The following INTS6 variants were observed in gnomAD, a reference collection of about 807,000 sequenced individuals.
INTS6 encodes the protein integrator complex subunit 6.
A neutral mutation model predicts 104.9 loss-of-function variants in INTS6; 16 were observed. That is an observed-to-expected ratio of 0.15 (90% CI 0.10 to 0.23). The LOEUF is 0.23. Among genes scored for constraint, INTS6 ranks in the 10% least tolerant of loss-of-function variants. INTS6 has a pLI of 1.00. For missense variants in INTS6, 584 were observed against 1,062.8 expected, an observed-to-expected ratio of 0.55 and a Z score of 6.26; for synonymous variants, 324 against 358.7, an observed-to-expected ratio of 0.90 and a Z score of 1.09.
chr13:51,334,718 A>T, the INTS6 span, among the ~76,000 whole-genome samples: 1 of 152,302 alleles, frequency 6.6e-6, no homozygotes, highest in South Asian at 2.1e-4. Flanking sequence ...ATGGTGGCTC[A>T]CGCCTGTAAT....
At chr13:51,341,369 A>G in the INTS6 span, 1 of 1,558,606 alleles carries the variant, frequency 6.4e-7, no homozygotes, top group South Asian at 1.2e-5. Context: ...GCCCACGTGC[A>G]CACTCACTTA....
chr13:51,386,202 T>TA (rs1248047329), intron 7 of INTS6, among the ~76,000 whole-genome samples: 9 of 152,188 alleles, frequency 5.9e-5, no homozygotes, highest in Non-Finnish European at 1.2e-4. Flanking sequence ...GAATTTGTGA[T>TA]AGACTGCTAG....
intron 4 of INTS6, among the ~76,000 whole-genome samples, chr13:51,424,815 T>C (rs1414479875): frequency 6.6e-6 from 1 of 152,056 alleles, no homozygotes; most frequent in African/African-American, 2.4e-5. Flanking sequence ...GTAACACAGA[T>C]AAAATGTTTT....
chr13:51,368,339 G>A (rs747354460), intron 16 of INTS6, among the ~76,000 whole-genome samples: 18 of 152,002 alleles, frequency 1.2e-4, no homozygotes, highest in Non-Finnish European at 2.2e-4. Context: ...ACTCTGCAAG[G>A]GCTATAAACG....
rs779149099 is a variant in INTS6 at position 51,378,368 on chromosome 13, A to G, written c.1473T>C (p.His491=). The G allele has an allele frequency of 1.2e-6, 2 of 1,613,356 alleles. No individual in the cohort carries two copies. Among genetic ancestry groups the G allele is most frequent in the African/African-American group, 2.7e-5 (2 of 74,894 alleles). Residue 491 remains histidine, a synonymous_variant, in exon 12 of 18, where the codon CAT becomes CAC. Coordinates refer to ENST00000311234, the MANE Select transcript of INTS6 (RefSeq NM_012141.3). ...ETGIKVRSRS[H]GLSMAYRKDF... Reference sequence around the variant, plus strand: ...CTTTCCTATATGCCATTGATAAACCATGTGATCGGCTCCGGACTTTTATTC... The same window carrying G: ...CTTTCCTATATGCCATTGATAAACCGTGTGATCGGCTCCGGACTTTTATTC...
intron 3 of INTS6, among the ~76,000 whole-genome samples, chr13:51,435,098 A>G (rs926189618): frequency 1.3e-5 from 2 of 152,034 alleles, no homozygotes; most frequent in Admixed American, 6.6e-5. Context: ...CCATAAAGTT[A>G]TAAGTAGCCT....
chr13:51,452,589 C>T lies in INTS6; in HGVS notation c.-64G>A, dbSNP rs955409000. ...AAAGAGGAGATGGTAGAGGTGGAGG[C>T]GCCGGTGGCGGCGACCGCCGCTACG... On this transcript the variant is annotated 5_prime_UTR_variant, in exon 1 of 18. Coordinates refer to ENST00000311234, the MANE Select transcript of INTS6 (RefSeq NM_012141.3). The surrounding 1 kb of genome is among the most constrained non-coding windows in gnomAD (Gnocchi z 4.2). The T allele has an allele frequency of 5.1e-5, 80 of 1,565,364 alleles. No homozygotes were observed. Among genetic ancestry groups the T allele is most frequent in the Non-Finnish European group, 6.8e-5 (78 of 1,152,128 alleles).
chr13:51,410,860 A>G (rs1956671106), intron 4 of INTS6, among the ~76,000 whole-genome samples: 1 of 152,124 alleles, frequency 6.6e-6, no homozygotes, highest in African/African-American at 2.4e-5. Context: ...CAGACTATCC[A>G]ATAAAAAACA....
chr13:51,405,577 T>C (rs1174668269), intron 4 of INTS6, among the ~76,000 whole-genome samples: 1 of 152,188 alleles, frequency 6.6e-6, no homozygotes, highest in Non-Finnish European at 1.5e-5. Flanking sequence ...TGTTTTGGCT[T>C]GGTTACTCTG....
intron 13 of INTS6, 141 bp downstream of exon 13, chr13:51,375,907 C>A: frequency 1.5e-6 from 1 of 667,282 alleles, no homozygotes; most frequent in Non-Finnish European, 2.3e-6. Flanking sequence ...GATGATTCAC[C>A]TTTTACTTCA....
chr13:51,351,229 G>C (rs545718217), downstream of INTS6, among the ~76,000 whole-genome samples: 1 of 152,242 alleles, frequency 6.6e-6, no homozygotes, highest in South Asian at 2.1e-4. Context: ...CTATCAAACT[G>C]TTTTCCAAGT....
chr13:51,338,519 A>G, the INTS6 span, among the ~76,000 whole-genome samples: 4 of 152,116 alleles, frequency 2.6e-5, no homozygotes, highest in Non-Finnish European at 5.9e-5. Context: ...GGACAGATGA[A>G]TGGACAGATG....
chr13:51,420,771 A>C lies in INTS6; in HGVS notation c.429+9523T>G, dbSNP rs557904691. 2.7e-3 allele frequency among the ~76,000 whole-genome samples: 416 copies of C among 152,216 alleles called. 3 individuals carry two copies. The highest frequency in any genetic ancestry group is 9.7e-3 in the African/African-American group (402 of 41,538). ...CTAGCTAAATTAAAAAAAAAAAAAA[A>C]AAACTATCCATACTTAACAACCAAG... On this transcript the variant is annotated intron_variant, in intron 4 of 17. Transcript: ENST00000311234.
At chr13:51,450,120 GA>G in intron 3 of INTS6, 1 of 985,318 alleles carries the variant, frequency 1.0e-6, no homozygotes. Flanking sequence ...TGGGACTTGG[GA>G]AAATACAACA....
chr13:51,384,484 T>TTA (rs1410582455), intron 7 of INTS6: 2 of 377,998 alleles, frequency 5.3e-6, no homozygotes, highest in Non-Finnish European at 1.0e-5. Context: ...CAGTTACTGC[T>TTA]TATACCCTGG....
intron 6 of INTS6, among the ~76,000 whole-genome samples, chr13:51,388,487 G>A (rs578108279): frequency 5.3e-5 from 8 of 151,740 alleles, no homozygotes; most frequent in South Asian, 2.1e-4. Flanking sequence ...TCCACCTCCC[G>A]GGTTCAAGCA....
At chr13:51,353,066 A>C (rs570029484), downstream of INTS6, among the ~76,000 whole-genome samples, 51 of 152,208 alleles carry the variant, frequency 3.4e-4, no homozygotes, top group African/African-American at 1.2e-3. Context: ...CTTTCTTGTA[A>C]TATCCTTGTC....
At chr13:51,341,166 A>T in the INTS6 span, 1,552 of 1,613,850 alleles carry the variant, frequency 9.6e-4, 2 homozygotes, top group Non-Finnish European at 1.2e-3. Flanking sequence ...TCCGTGAAGG[A>T]ATGACATTGC....
chr13:51,393,885 A>T (rs1956289014), intron 5 of INTS6, among the ~76,000 whole-genome samples: 1 of 152,200 alleles, frequency 6.6e-6, no homozygotes, highest in Admixed American at 6.5e-5. Flanking sequence ...GATCCTAGTG[A>T]CAAAAGTTAT....
Sources: allele counts gnomAD v4.1 joint callset (sites outside exome capture counted in the v4.1 genomes callset), GRCh38; gene constraint gnomAD v4.1.1; non-coding constraint Gnocchi (gnomAD v3.1); transcripts MANE v1.5; gene names NCBI Gene and HGNC (gene_info 2026-07-23, HGNC 2026-07-21).